The following GNL3L variants were observed in gnomAD, a reference collection of about 807,000 sequenced individuals.
GNL3L encodes G protein nucleolar 3 like, also known as guanine nucleotide-binding protein-like 3-like protein.
GNL3L carries 4 observed loss-of-function variants against 42.9 expected under a neutral mutation model. That is an observed-to-expected ratio of 0.09 (90% CI 0.05 to 0.21). The LOEUF is 0.21. Among genes scored for constraint, GNL3L ranks in the 10% least tolerant of loss-of-function variants. The pLI, the probability that GNL3L is intolerant of heterozygous loss-of-function variation, is 1.00. For missense variants in GNL3L, 412 were observed against 481.7 expected, an observed-to-expected ratio of 0.86 and a Z score of 1.36; for synonymous variants, 159 against 176.3, an observed-to-expected ratio of 0.90 and a Z score of 0.78.
At chrX:54,558,681 C>T in intron 15 of GNL3L, 26 bp downstream of exon 15, 1 of 1,058,743 alleles carries the variant, frequency 9.4e-7, no homozygotes, top group Non-Finnish European at 1.3e-6. Context: ...CAACCCTGTG[C>T]TCTGAAAGGG....
intron 16 of GNL3L, among the ~76,000 whole-genome samples, chrX:54,615,464 C>A (rs1046284222): frequency 2.7e-5 from 3 of 111,644 alleles, no homozygotes; most frequent in African/African-American, 9.8e-5. Context: ...TATGGCAACT[C>A]CATGTTTAAC....
At chrX:54,637,196 T>A in the GNL3L span, among the ~76,000 whole-genome samples, 1 of 111,669 alleles carries the variant, frequency 9.0e-6, no homozygotes, top group African/African-American at 3.3e-5. Flanking sequence ...TTTGCCAATG[T>A]ACTACTGCCT....
Position 54,566,572 on chromosome X carries a change from C to T in GNL3L, c.*5970C>T, listed in dbSNP as rs1327271768. Among the ~76,000 whole-genome samples, 1 of 112,477 alleles carries T rather than the reference C, an allele frequency of 8.9e-6. No homozygotes were observed. Among genetic ancestry groups the T allele is most frequent in the African/African-American group, 3.2e-5 (1 of 30,994 alleles). Reference sequence around the variant, plus strand: ...TCATATAATATTTATCTTTTTGTGACTGGCTTATTTCACTTTGCATAATGT... The same window carrying T: ...TCATATAATATTTATCTTTTTGTGATTGGCTTATTTCACTTTGCATAATGT... On this transcript the variant is annotated 3_prime_UTR_variant, in exon 16 of 16. Coordinates refer to ENST00000360845, the MANE Select transcript of GNL3L (RefSeq NM_001184819.2).
intron 2 of GNL3L, among the ~76,000 whole-genome samples, chrX:54,538,833 A>C (rs1033989063): frequency 3.6e-5 from 4 of 111,802 alleles, no homozygotes; most frequent in Non-Finnish European, 7.5e-5. Context: ...TTGAGTTTGC[A>C]GTGAAATAAT....
intron 2 of GNL3L, among the ~76,000 whole-genome samples, chrX:54,538,274 G>A (rs1924505706): frequency 9.0e-6 from 1 of 111,241 alleles, no homozygotes; most frequent in East Asian, 2.8e-4. Context: ...TGATTGTGGA[G>A]CCTGTTCTCT....
At chrX:54,609,237 T>G (rs1004223780) in intron 16 of GNL3L, among the ~76,000 whole-genome samples, 2 of 112,608 alleles carry the variant, frequency 1.8e-5, no homozygotes, top group African/African-American at 3.2e-5. Context: ...GTTTTGTAGA[T>G]TCTGGATATT....
intron 13 of GNL3L, 57 bp downstream of exon 13, chrX:54,552,485 TG>T: frequency 9.1e-7 from 1 of 1,098,271 alleles, no homozygotes; most frequent in South Asian, 2.0e-5. Context: ...CACACAGACC[TG>T]ACAGCAAATC....
intron 16 of GNL3L, among the ~76,000 whole-genome samples, chrX:54,610,888 T>C (rs980261408): frequency 4.5e-5 from 5 of 111,707 alleles, no homozygotes; most frequent in Admixed American, 9.5e-5. Flanking sequence ...GAGTTCCTTT[T>C]TTCTCTGTCT....
At chrX:54,573,169 C>T (rs1170959605) in intron 16 of GNL3L, among the ~76,000 whole-genome samples, 10 of 112,312 alleles carry the variant, frequency 8.9e-5, no homozygotes, top group Admixed American at 8.4e-4. Context: ...GCTGCAATCT[C>T]GGCACTTTGG....
chrX:54,532,439 A>G (rs1924280019), intron 1 of GNL3L, 81 bp from the exon 2 acceptor site: 2 of 565,424 alleles, frequency 3.5e-6, no homozygotes, highest in Admixed American at 2.9e-5. Flanking sequence ...TTAACATTTT[A>G]CCTTTAGGGG....
At chrX:54,631,820 G>A in the GNL3L span, among the ~76,000 whole-genome samples, 4 of 111,436 alleles carry the variant, frequency 3.6e-5, no homozygotes, top group African/African-American at 9.8e-5. Context: ...GTTGTTGCCC[G>A]AATATCTTGT....
At chrX:54,590,756 G>GATTTATTT (rs1244221353) in intron 16 of GNL3L, among the ~76,000 whole-genome samples, 1,591 of 111,041 alleles carry the variant, frequency 0.014, 25 homozygotes, top group African/African-American at 0.05. Context: ...TGAGGTCTTA[G>GATTTATTT]ATTTATGTAT....
chrX:54,551,692 G>A lies in GNL3L; in HGVS notation c.988G>A (p.Asp330Asn), dbSNP rs1924945574. ...CTGCGTCCACGTGCAGAAGCTGGCA[G>A]ACCCTGTGACCCCAGTGGAGACCAT... Reference protein sequence around the residue: ...RNCVHVQKLADPVTPVETILQ... With the variant: ...RNCVHVQKLANPVTPVETILQ... Residue 330 changes from aspartate (D) to asparagine (N), a missense_variant, in exon 11 of 16, where the codon GAC (aspartate) becomes AAC (asparagine). Physicochemically the swap from Asp to Asn is conservative, Grantham distance 23 (BLOSUM62 1). Coordinates refer to ENST00000360845, the MANE Select transcript of GNL3L (RefSeq NM_001184819.2). 8.3e-7 allele frequency: 1 copy of A among 1,211,593 alleles called. No homozygotes were observed. The highest frequency in any genetic ancestry group is 3.0e-5 in the East Asian group (1 of 33,828).
chrX:54,590,428 ATATGAT>A (rs1925853666), intron 16 of GNL3L, among the ~76,000 whole-genome samples: 1 of 111,585 alleles, frequency 9.0e-6, no homozygotes, highest in Non-Finnish European at 1.9e-5. Flanking sequence ...GCATCAATTG[ATATGAT>A]TATATGATTT....
intron 16 of GNL3L, among the ~76,000 whole-genome samples, chrX:54,595,227 G>A (rs1348449406): frequency 1.8e-5 from 2 of 111,561 alleles, no homozygotes; most frequent in Non-Finnish European, 3.8e-5. Context: ...AAATCCCTCA[G>A]CTTTTGTTTG....
intron 16 of GNL3L, among the ~76,000 whole-genome samples, chrX:54,572,695 A>C (rs1409302533): frequency 9.7e-6 from 1 of 103,117 alleles, no homozygotes. Flanking sequence ...GACCCCCCCC[A>C]CCTCCCTCCC....
At chrX:54,609,374 CTGTT>C (rs777939059) in intron 16 of GNL3L, among the ~76,000 whole-genome samples, 5 of 112,432 alleles carry the variant, frequency 4.4e-5, no homozygotes, top group African/African-American at 1.6e-4. Flanking sequence ...CTATTCATCT[CTGTT>C]TGTATTGCAT....
At chrX:54,631,006 C>T in the GNL3L span, among the ~76,000 whole-genome samples, 2 of 108,652 alleles carry the variant, frequency 1.8e-5, no homozygotes, top group Non-Finnish European at 3.8e-5. Context: ...GGGGTTTCAC[C>T]ATGTTAGCCA....
rs771598356 is a variant in GNL3L, at chrX:54,597,103, A to G, written c.*46-23742A>G. Among the ~76,000 whole-genome samples the G allele has an allele frequency of 1.4e-3, 156 of 110,906 alleles. 1 individual carries two copies. Among genetic ancestry groups the G allele is most frequent in the Admixed American group, 3.5e-3 (37 of 10,446 alleles). ...CTTTACTTTTCCCTCCATTTTTCTC[A>G]AGAGGATCCTTGCCCCATAGCCACT... On this transcript the variant is annotated intron_variant, in intron 16 of 16. Coordinates refer to the GNL3L transcript ENST00000674498.
Sources: allele counts gnomAD v4.1 joint callset (sites outside exome capture counted in the v4.1 genomes callset), GRCh38; gene constraint gnomAD v4.1.1; transcripts MANE v1.5; gene names NCBI Gene and HGNC (gene_info 2026-07-23, HGNC 2026-07-21).